Variants in COBL observed in about 807,000 individuals in gnomAD.
The protein encoded by COBL is protein cordon-bleu.
In COBL, 51 loss-of-function variants were observed where a neutral mutation model predicts 98.8. The ratio of observed to expected loss-of-function variants is 0.52; its 90% CI spans 0.41 to 0.65. The LOEUF is 0.65. COBL is among the 30% of genes least tolerant of loss of function. COBL has a pLI of 0.00. For synonymous variants in COBL, 634 were observed against 651.7 expected, an observed-to-expected ratio of 0.97 and a Z score of 0.41; for missense variants, 1,617 against 1,617.5, an observed-to-expected ratio of 1.00 and a Z score of 0.01.
chr7:51,233,094 T>A (rs902262154), intron 1 of COBL, among the ~76,000 whole-genome samples: 2 of 152,244 alleles, frequency 1.3e-5, no homozygotes, highest in African/African-American at 4.8e-5. Flanking sequence ...TATGTCAGAA[T>A]GAATTTTTAC....
At chr7:51,219,989 C>G in intron 1 of COBL, 45 bp from the exon 2 acceptor site, 1 of 1,554,206 alleles carries the variant, frequency 6.4e-7, no homozygotes, top group South Asian at 1.2e-5. Flanking sequence ...GGCAATGTTC[C>G]TACCTGCCTC....
At chr7:51,243,817 T>C (rs1796041504) in intron 1 of COBL, among the ~76,000 whole-genome samples, 1 of 151,596 alleles carries the variant, frequency 6.6e-6, no homozygotes. Context: ...GTGCCGTGTC[T>C]GGCCTGCATG....
chr7:51,248,313 C>T (rs958858863), intron 1 of COBL, among the ~76,000 whole-genome samples: 6 of 152,100 alleles, frequency 3.9e-5, no homozygotes, highest in Admixed American at 2.0e-4. Context: ...ATAAGAGATA[C>T]GATTTTATGG....
intron 7 of COBL, chr7:51,073,420 C>A (rs1382776086): frequency 6.0e-6 from 4 of 661,610 alleles, no homozygotes; most frequent in African/African-American, 3.6e-5. Context: ...AATGTGAACG[C>A]ACACTTGCGG....
chr7:51,029,135 C>G lies in COBL; in HGVS notation c.1961G>C (p.Cys654Ser). 1 of 1,614,206 alleles carries G rather than the reference C, an allele frequency of 6.2e-7. No individual in the cohort carries two copies. Among genetic ancestry groups the G allele is most frequent in the African/African-American group, 1.3e-5 (1 of 75,056 alleles). Residue 654 changes from cysteine (C) to serine (S), a missense_variant, in exon 10 of 13, where the codon TGT (cysteine) becomes TCT (serine). By Grantham distance (112) the Cys-to-Ser change is moderately radical (BLOSUM62 -1). Around this residue, in one of 3 missense-constraint regions of COBL, gnomAD observed 1,304 missense variants for 1,282.0 expected, o/e 1.02. Transcript: ENST00000265136. Reference sequence around the variant, plus strand: ...GGCTTGAGTCCTCTCCCCGTCAGCACAGCCATACACTTTGTCTTTCACTTT... The same window carrying G: ...GGCTTGAGTCCTCTCCCCGTCAGCAGAGCCATACACTTTGTCTTTCACTTT... ...NAKVKDKVYG[C>S]ADGERTQATE...
intron 6 of COBL, among the ~76,000 whole-genome samples, chr7:51,095,305 G>A (rs1583773882): frequency 6.6e-6 from 1 of 152,176 alleles, no homozygotes; most frequent in Non-Finnish European, 1.5e-5. Flanking sequence ...CCACCACCAT[G>A]ATTCAATGAC....
At chr7:51,129,903 G>C (rs1047447890) in intron 6 of COBL, among the ~76,000 whole-genome samples, 2 of 152,198 alleles carry the variant, frequency 1.3e-5, no homozygotes, top group African/African-American at 4.8e-5. Flanking sequence ...AAGGTGTAAA[G>C]AAGATTCTCC....
chr7:51,077,410 G>C (rs1005662937), intron 7 of COBL, among the ~76,000 whole-genome samples: 6 of 152,116 alleles, frequency 3.9e-5, no homozygotes, highest in African/African-American at 1.4e-4. Flanking sequence ...CTCAGACTCT[G>C]CAAGTTGTCC....
chr7:51,016,218 T>G lies in COBL; in HGVS notation c.*1333A>C, dbSNP rs1436450045. The G allele has an allele frequency of 6.6e-6, 1 of 152,182 alleles. No individual in the cohort carries two copies. The highest frequency in any genetic ancestry group is 6.5e-5 in the Admixed American group (1 of 15,278). The allele number at this position is 152,182 out of a possible 1,614,324, so 9.4% of individuals were successfully genotyped here. A position where few individuals can be genotyped will look rare whatever the true frequency, so the allele number is the denominator to read the frequency against. On this transcript the variant is annotated 3_prime_UTR_variant, in exon 13 of 13. Coordinates refer to ENST00000265136, the MANE Select transcript of COBL (RefSeq NM_015198.5). Reference sequence around the variant, plus strand: ...ATGAAATTCACACAACAGCTAAGATTTGATTTTCTTTTATTTGTGGCACTA... The same window carrying G: ...ATGAAATTCACACAACAGCTAAGATGTGATTTTCTTTTATTTGTGGCACTA...
intron 1 of COBL, chr7:51,260,048 C>T: frequency 1.1e-6 from 1 of 914,098 alleles, no homozygotes; most frequent in Non-Finnish European, 1.8e-6. Flanking sequence ...CTTTCCTCTG[C>T]TCCTTCTTCT....
chr7:51,270,010 CT>C (rs1798609333), intron 1 of COBL, among the ~76,000 whole-genome samples: 1 of 152,180 alleles, frequency 6.6e-6, no homozygotes, highest in African/African-American at 2.4e-5. Flanking sequence ...AATACAGAGG[CT>C]CTGAAAAGTT....
At chr7:51,278,834 C>T (rs1280803831) in intron 1 of COBL, among the ~76,000 whole-genome samples, 1 of 152,232 alleles carries the variant, frequency 6.6e-6, no homozygotes, top group African/African-American at 2.4e-5. Context: ...AATCCCCCAA[C>T]GTGTAGCATC....
chr7:51,076,869 A>T (rs1382037103), intron 7 of COBL, among the ~76,000 whole-genome samples: 1 of 152,226 alleles, frequency 6.6e-6, no homozygotes, highest in Non-Finnish European at 1.5e-5. Flanking sequence ...GAATATTTTC[A>T]TTTTAAAAAT....
intron 2 of COBL, among the ~76,000 whole-genome samples, chr7:51,207,887 G>A (rs1353736392): frequency 4.6e-4 from 70 of 151,988 alleles, no homozygotes; most frequent in African/African-American, 1.4e-3. Context: ...CTGCCTGGCC[G>A]CCCATCGTCT....
At chr7:51,183,990 G>C (rs1789243564) in intron 5 of COBL, 112 bp downstream of exon 5, 2 of 530,910 alleles carry the variant, frequency 3.8e-6, no homozygotes, top group Non-Finnish European at 6.6e-6. Context: ...GAAGGAATTA[G>C]TATTCTTAAA....
intron 1 of COBL, among the ~76,000 whole-genome samples, chr7:51,222,073 C>T (rs986954893): frequency 1.3e-5 from 2 of 152,160 alleles, no homozygotes; most frequent in African/African-American, 4.8e-5. Flanking sequence ...CCTGTAATCC[C>T]AGCCAGTTGG....
At chr7:51,302,856 G>A (rs1802108984) in intron 1 of COBL, among the ~76,000 whole-genome samples, 1 of 152,068 alleles carries the variant, frequency 6.6e-6, no homozygotes, top group South Asian at 2.1e-4. Context: ...ACGCTATACA[G>A]GGCACCAAGC....
chr7:51,269,445 G>A (rs1798552735), intron 1 of COBL, among the ~76,000 whole-genome samples: 1 of 152,168 alleles, frequency 6.6e-6, no homozygotes, highest in East Asian at 1.9e-4. Flanking sequence ...GGGTCCAGAC[G>A]CAACTGCCAC....
At chr7:51,163,889 AAT>A (rs1787050177) in intron 5 of COBL, among the ~76,000 whole-genome samples, 1 of 152,206 alleles carries the variant, frequency 6.6e-6, no homozygotes, top group Non-Finnish European at 1.5e-5. Context: ...TCAAAAACTA[AAT>A]GTATGTGTAA....
Sources: allele counts gnomAD v4.1 joint callset (sites outside exome capture counted in the v4.1 genomes callset), GRCh38; gene constraint gnomAD v4.1.1; regional missense constraint gnomAD v4.1.1; transcripts MANE v1.5; gene names NCBI Gene and HGNC (gene_info 2026-07-23, HGNC 2026-07-21).